ZBED2: variants seen among roughly 807,000 people sequenced by gnomAD.
The protein encoded by ZBED2 is zinc finger BED-type containing 2.
For synonymous variants in ZBED2, 97 were observed against 98.8 expected, an observed-to-expected ratio of 0.98 and a Z score of 0.11; for missense variants, 285 against 281.0, an observed-to-expected ratio of 1.01 and a Z score of -0.10.
intron 1 of ZBED2, 63 bp from the exon 2 acceptor site, chr3:111,595,129 AC>A (rs1298661874): frequency 1.2e-5 from 2 of 166,146 alleles, no homozygotes; most frequent in Non-Finnish European, 2.9e-5. Flanking sequence ...TTTGCTCTTT[AC>A]CTCATTTTAA....
Position 111,593,291 on chromosome 3 carries a change from T to C in ZBED2, c.*254A>G. 1 of 370,564 alleles carries C rather than the reference T, an allele frequency of 2.7e-6. No individual in the cohort carries two copies. The highest frequency in any genetic ancestry group is 4.2e-5 in the Admixed American group (1 of 23,800). The allele number at this position is 370,564 out of a possible 1,614,324, so 23.0% of individuals were successfully genotyped here. On this transcript the variant is annotated 3_prime_UTR_variant, in exon 2 of 2. Coordinates refer to ENST00000317012, the MANE Select transcript of ZBED2 (RefSeq NM_024508.5). ...CTGCCCTGAAACAACTCACAGAGTTTTACTTTGGTAGAAGCATTTATCTTT... is the reference window on the plus strand; with the variant it reads ...CTGCCCTGAAACAACTCACAGAGTTCTACTTTGGTAGAAGCATTTATCTTT...
At position 111,595,299 on chromosome 3, in the gene ZBED2, C is replaced by A. The variant is rs1937205562; in HGVS notation, c.-866+1G>T. Reference sequence around the variant, plus strand: ...CCCCCCAGCCACAAGTGGGTACTTACAAGCAGGCAAGGCTCTGGACTTCTC... The same window carrying A: ...CCCCCCAGCCACAAGTGGGTACTTAAAAGCAGGCAAGGCTCTGGACTTCTC... On this transcript the variant is annotated splice_donor_variant, in intron 1 of 1. Coordinates refer to ENST00000317012, the MANE Select transcript of ZBED2 (RefSeq NM_024508.5). LOFTEE classifies it low-confidence loss of function (5UTR_SPLICE). 1 of 152,168 alleles carries A rather than the reference C, an allele frequency of 6.6e-6. No homozygotes were observed. The highest frequency in any genetic ancestry group is 2.1e-4 in the South Asian group (1 of 4,828). 9.4% of individuals were successfully genotyped at this position (152,168 alleles called of 1,614,324 possible). A position where few individuals can be genotyped will look rare whatever the true frequency, so the allele number is the denominator to read the frequency against.
Position 111,593,667 on chromosome 3 carries a change from G to T in ZBED2, c.535C>A (p.Arg179=), listed in dbSNP as rs568155531. 3.7e-6 allele frequency: 6 copies of T among 1,610,624 alleles called. No homozygotes were observed. The highest frequency in any genetic ancestry group is 3.4e-6 in the Non-Finnish European group (4 of 1,177,774). The change falls in exon 2 of 2, where the codon CGA becomes AGA. Residue 179 remains arginine (R), a synonymous_variant. Coordinates refer to ENST00000317012, the MANE Select transcript of ZBED2 (RefSeq NM_024508.5). ...WRERAVEKRE[R]ALEEVERAIL... ...GCCCTTTCCACCTCCTCCAGGGCTC[G>T]CTCCCTTTTTTCCACAGCCCTCTCC...
rs972352331 is a variant in ZBED2 at position 111,593,744 on chromosome 3, G to T, written c.458C>A (p.Ala153Asp). ...AAGCACCTCCTTTTCCCTTTGGCTGGCCCACAAAGCCATGGTGCCCACCTG... is the reference window on the plus strand; with the variant it reads ...AAGCACCTCCTTTTCCCTTTGGCTGTCCCACAAAGCCATGGTGCCCACCTG... ...LEQVGTMALW[A>D]SQREKEVLRR... The change falls in exon 2 of 2, where the codon GCC (alanine) becomes GAC (aspartate). Residue 153 changes from alanine (A) to aspartate (D), a missense_variant. By Grantham distance (126) the Ala-to-Asp change is moderately radical. Transcript: ENST00000317012. 1.2e-6 allele frequency: 2 copies of T among 1,613,972 alleles called. No individual in the cohort carries two copies. The highest frequency in any genetic ancestry group is 2.7e-5 in the African/African-American group (2 of 74,904).
Position 111,593,698 on chromosome 3 carries a change from T to C in ZBED2, c.504A>G (p.Glu168=). The part of the protein sequence containing the change: ...KEVLRRERAV[E]WRERAVEKRE... ...TTTTTTCCACAGCCCTCTCCCGCCA[T>C]TCCACTGCCCTTTCCCTCCTAAGCA... Residue 168 remains glutamate (E), a synonymous_variant, in exon 2 of 2, where the codon GAA becomes GAG. Transcript: ENST00000317012. 2 of 1,613,874 alleles carry C rather than the reference T, an allele frequency of 1.2e-6. No homozygotes were observed. Among genetic ancestry groups the C allele is most frequent in the Admixed American group, 1.7e-5 (1 of 60,008 alleles).
rs1387694603 is a variant in ZBED2, at chr3:111,595,280, A to T, written c.-866+20T>A. ...CGTGAACAGTTAGGAAATTCCCCCC[A>T]GCCACAAGTGGGTACTTACAAGCAG... On this transcript the variant is annotated intron_variant, in intron 1 of 1. Transcript: ENST00000317012. 2.0e-5 allele frequency: 3 copies of T among 152,170 alleles called. No homozygotes were observed. The highest frequency in any genetic ancestry group is 7.2e-5 in the African/African-American group (3 of 41,442). 9.4% of individuals were successfully genotyped at this position (152,170 alleles called of 1,614,324 possible). A position where few individuals can be genotyped will look rare whatever the true frequency, so the allele number is the denominator to read the frequency against.
chr3:111,593,787 A>C lies in ZBED2; in HGVS notation c.415T>G (p.Trp139Gly). Residue 139 changes from tryptophan to glycine, a missense_variant, in exon 2 of 2, where the codon TGG (tryptophan) becomes GGG (glycine). Transcript: ENST00000317012. ...PQLPTGIEGN[W>G]GRLLEQVGTM... is the part of the protein sequence containing the mutation. ...CCCACCTGCTCCAGGAGCCTACCCCAGTTACCCTCAATGCCTGTGGGGAGC... is the reference window on the plus strand; with the variant it reads ...CCCACCTGCTCCAGGAGCCTACCCCCGTTACCCTCAATGCCTGTGGGGAGC... 1 of 1,614,148 alleles carries C rather than the reference A, an allele frequency of 6.2e-7. No individual in the cohort carries two copies. The highest frequency in any genetic ancestry group is 8.5e-7 in the Non-Finnish European group (1 of 1,180,020).
In ZBED2 at chr3:111,593,213, G is replaced by A. The variant is rs1937076654; in HGVS notation, c.*332C>T. 1.0e-5 allele frequency: 2 copies of A among 199,442 alleles called. No homozygotes were observed. Among genetic ancestry groups the A allele is most frequent in the Admixed American group, 5.5e-5 (1 of 18,178 alleles). 12.4% of individuals were successfully genotyped at this position (199,442 alleles called of 1,614,324 possible). Reference sequence around the variant, plus strand: ...ATCGTCAGCTCCACCAAAACCGAGTGCTAGGCAAAAATCTGATTATTTTGT... The same window carrying A: ...ATCGTCAGCTCCACCAAAACCGAGTACTAGGCAAAAATCTGATTATTTTGT... On this transcript the variant is annotated 3_prime_UTR_variant, in exon 2 of 2. Transcript: ENST00000317012.
Position 111,594,127 on chromosome 3 carries a change from C to T in ZBED2, c.75G>A (p.Glu25=), listed in dbSNP as rs1937139551. 1.2e-6 allele frequency: 2 copies of T among 1,613,902 alleles called. No individual in the cohort carries two copies. Among genetic ancestry groups the T allele is most frequent in the Non-Finnish European group, 8.5e-7 (1 of 1,179,954 alleles). Reference sequence around the variant, plus strand: ...GTTCTCCTGTCTCACTAATCTCTTCCTCCTCCTTCATCTCTAAGTCCCCTT... The same window carrying T: ...GTTCTCCTGTCTCACTAATCTCTTCTTCCTCCTTCATCTCTAAGTCCCCTT... ...KAKGDLEMKE[E]EEISETGELV... Residue 25 remains glutamate (E), a synonymous_variant, in exon 2 of 2, where the codon GAG becomes GAA. Coordinates refer to ENST00000317012, the MANE Select transcript of ZBED2 (RefSeq NM_024508.5).
In ZBED2 at chr3:111,593,532, C is replaced by T; in HGVS notation, c.*13G>A. 6.6e-7 allele frequency: 1 copy of T among 1,511,498 alleles called. No individual in the cohort carries two copies. Among genetic ancestry groups the T allele is most frequent in the Non-Finnish European group, 8.9e-7 (1 of 1,129,798 alleles). 93.6% of individuals were successfully genotyped at this position (1,511,498 alleles called of 1,614,324 possible). ...AGAGTCAATGTTTTCAGAATAGATTCTCCAAGCCCAATTTAAACAAAATGG... is the reference window on the plus strand; with the variant it reads ...AGAGTCAATGTTTTCAGAATAGATTTTCCAAGCCCAATTTAAACAAAATGG... On this transcript the variant is annotated 3_prime_UTR_variant, in exon 2 of 2. Coordinates refer to ENST00000317012, the MANE Select transcript of ZBED2 (RefSeq NM_024508.5).
At position 111,593,567 on chromosome 3, in the gene ZBED2, A is replaced by G; in HGVS notation, c.635T>C (p.Val212Ala). ...AATTTAAACAAAATGGAAGGGATGT[A>G]CTGCTGCAGGCAGCTCTTTCTCCCG... The part of the protein sequence containing the change: ...CQREKELPAA[V>A]HPFHFV The change falls in exon 2 of 2, where the codon GTA (valine) becomes GCA (alanine). Residue 212 changes from valine (V) to alanine (A), a missense_variant. Val to Ala is a moderately conservative substitution (Grantham distance 64, BLOSUM62 0). Transcript: ENST00000317012. 6.5e-7 allele frequency: 1 copy of G among 1,531,004 alleles called. No homozygotes were observed. Among genetic ancestry groups the G allele is most frequent in the Non-Finnish European group, 8.8e-7 (1 of 1,138,442 alleles). The allele number at this position is 1,531,004 out of a possible 1,614,324, so 94.8% of individuals were successfully genotyped here. A position where few individuals can be genotyped will look rare whatever the true frequency, so the allele number is the denominator to read the frequency against.
chr3:111,593,927 T>C lies in ZBED2; in HGVS notation c.275A>G (p.Asn92Ser), dbSNP rs752627605. ...GRQVSRGPGV[N>S]VGTTALWKHL... ...CTTCCACAGTGCAGTGGTGCCCACG[T>C]TGACCCCAGGGCCACGGCTCACCTG... Residue 92 changes from asparagine (N) to serine (S), a missense_variant, in exon 2 of 2, where the codon AAC becomes AGC. By Grantham distance (46) the Asn-to-Ser change is conservative. Coordinates refer to ENST00000317012, the MANE Select transcript of ZBED2 (RefSeq NM_024508.5). 3 of 1,613,878 alleles carry C rather than the reference T, an allele frequency of 1.9e-6. No homozygotes were observed. The Admixed American group carries it at 5.0e-5, about 27-fold the overall frequency.
At position 111,593,585 on chromosome 3, in the gene ZBED2, T is replaced by G. The variant is rs749397403; in HGVS notation, c.617A>C (p.Lys206Thr). The G allele has an allele frequency of 5.8e-6, 9 of 1,545,056 alleles. No individual in the cohort carries two copies. The highest frequency in any genetic ancestry group is 2.8e-5 in the African/African-American group (2 of 72,692). Reference protein sequence around the residue: ...RAEKEACQREKELPAAVHPFH... With the variant: ...RAEKEACQRETELPAAVHPFH... Reference sequence around the variant, plus strand: ...GGGATGTACTGCTGCAGGCAGCTCTTTCTCCCGCTGGCATGCCTCCTTCTC... The same window carrying G: ...GGGATGTACTGCTGCAGGCAGCTCTGTCTCCCGCTGGCATGCCTCCTTCTC... The change falls in exon 2 of 2, where the codon AAA becomes ACA. Residue 206 changes from lysine (K) to threonine (T), a missense_variant. By Grantham distance (78) the Lys-to-Thr change is moderately conservative (BLOSUM62 -1). Coordinates refer to ENST00000317012, the MANE Select transcript of ZBED2 (RefSeq NM_024508.5).
At position 111,593,863 on chromosome 3, in the gene ZBED2, ACT is replaced by A; in HGVS notation, c.337_338del (p.Ser113TrpfsTer23). Reference sequence around the variant, plus strand: ...GGCGCTGCCCAGCCTGACCATGGCCACTCTTCTCCAGCTCCTCTCTGTGCATG... The same window carrying A: ...GGCGCTGCCCAGCCTGACCATGGCCACTTCTCCAGCTCCTCTCTGTGCATG... The part of the protein sequence containing the change: ...KSMHREELEK[S>X]GHGQAGQRQD... On this transcript the variant is annotated frameshift_variant, in exon 2 of 2. Coordinates refer to ENST00000317012, the MANE Select transcript of ZBED2 (RefSeq NM_024508.5). LOFTEE classifies it low-confidence loss of function (END_TRUNC). 6 of 1,613,368 alleles carry A rather than the reference ACT, an allele frequency of 3.7e-6. No individual in the cohort carries two copies. Among genetic ancestry groups the A allele is most frequent in the Non-Finnish European group, 5.1e-6 (6 of 1,179,920 alleles).
In ZBED2 at chr3:111,594,225, T is replaced by C. The variant is rs1440397291; in HGVS notation, c.-24A>G. 6.4e-7 allele frequency: 1 copy of C among 1,563,030 alleles called. No homozygotes were observed. The highest frequency in any genetic ancestry group is 1.2e-5 in the South Asian group (1 of 82,358). ...ATGTCACCTCTTCTACAGCGTTCTT[T>C]ATGATGTGCTTAGATGTGAGCCAAA... On this transcript the variant is annotated 5_prime_UTR_variant, in exon 2 of 2. The change creates a new upstream start codon in the 5' untranslated region. Transcript: ENST00000317012.
Position 111,593,677 on chromosome 3 carries a change from T to G in ZBED2, c.525A>C (p.Glu175Asp), listed in dbSNP as rs747063283. ...CCTCCTCCAGGGCTCGCTCCCTTTT[T>G]TCCACAGCCCTCTCCCGCCATTCCA... is the stretch of plus-strand genomic sequence containing the variant. ...RAVEWRERAV[E>D]KRERALEEVE... Residue 175 changes from glutamate to aspartate, a missense_variant, in exon 2 of 2, where the codon GAA (glutamate) becomes GAC (aspartate). Transcript: ENST00000317012. The G allele has an allele frequency of 6.8e-6, 11 of 1,612,156 alleles. No homozygotes were observed. The East Asian group carries it at 2.5e-4, about 36-fold the overall frequency.
At position 111,593,763 on chromosome 3, in the gene ZBED2, C is replaced by T. The variant is rs1200023080; in HGVS notation, c.439G>A (p.Gly147Ser). 6.2e-7 allele frequency: 1 copy of T among 1,614,220 alleles called. No homozygotes were observed. The highest frequency in any genetic ancestry group is 1.6e-4 in the Middle Eastern group (1 of 6,062). The change falls in exon 2 of 2, where the codon GGC (glycine) becomes AGC (serine). Residue 147 changes from glycine (G) to serine (S), a missense_variant. Coordinates refer to ENST00000317012, the MANE Select transcript of ZBED2 (RefSeq NM_024508.5). ...TGGCTGGCCCACAAAGCCATGGTGC[C>T]CACCTGCTCCAGGAGCCTACCCCAG... is the stretch of plus-strand genomic sequence containing the variant. ...GNWGRLLEQVGTMALWASQRE... is the reference protein window; with the variant it reads ...GNWGRLLEQVSTMALWASQRE...
rs1376455260 is a variant in ZBED2, at chr3:111,595,305, G to C, written c.-871C>G. 2 of 152,126 alleles carry C rather than the reference G, an allele frequency of 1.3e-5. No homozygotes were observed. Among genetic ancestry groups the C allele is most frequent in the Non-Finnish European group, 2.9e-5 (2 of 68,040 alleles). 9.4% of individuals were successfully genotyped at this position (152,126 alleles called of 1,614,324 possible). A position where few individuals can be genotyped will look rare whatever the true frequency, so the allele number is the denominator to read the frequency against. On this transcript the variant is annotated 5_prime_UTR_variant, in exon 1 of 2. Transcript: ENST00000317012. ...AGCCACAAGTGGGTACTTACAAGCA[G>C]GCAAGGCTCTGGACTTCTCTCTGAT...
Position 111,594,320 on chromosome 3 carries a change from T to A in ZBED2, c.-119A>T. On this transcript the variant is annotated 5_prime_UTR_variant, in exon 2 of 2. Coordinates refer to ENST00000317012, the MANE Select transcript of ZBED2 (RefSeq NM_024508.5). Reference sequence around the variant, plus strand: ...TGTGGTAACTCTTGGGGATTCACAATAATGGCCAAAGTCTGGCCACACCTG... The same window carrying A: ...TGTGGTAACTCTTGGGGATTCACAAAAATGGCCAAAGTCTGGCCACACCTG... 1 of 1,294,096 alleles carries A rather than the reference T, an allele frequency of 7.7e-7. No individual in the cohort carries two copies. The highest frequency in any genetic ancestry group is 1.1e-6 in the Non-Finnish European group (1 of 941,564). 80.2% of individuals were successfully genotyped at this position (1,294,096 alleles called of 1,614,324 possible). A position where few individuals can be genotyped will look rare whatever the true frequency, so the allele number is the denominator to read the frequency against.
Sources: gnomAD v4.1 joint callset for allele counts on GRCh38, gnomAD v4.1.1 for gene constraint, MANE v1.5 for transcripts, NCBI Gene and HGNC (gene_info 2026-07-23, HGNC 2026-07-21) for gene names.